MMP26: variants seen among roughly 807,000 people sequenced by gnomAD.
MMP26 encodes the protein matrix metalloproteinase-26.
In MMP26, 33 loss-of-function variants were observed where a neutral mutation model predicts 31.0. The observed-to-expected ratio is 1.06, with a 90% confidence interval of 0.81 to 1.42. MMP26 has a LOEUF of 1.42. Ranked by LOEUF, MMP26 falls within the 40% of genes most tolerant of loss-of-function variation. The pLI is 0.00. For synonymous variants in MMP26, 122 were observed against 114.9 expected (o/e 1.06, Z -0.40); for missense variants, 347 against 316.1 (o/e 1.10, Z -0.74).
intron 2 of MMP26, among the ~76,000 whole-genome samples, chr11:4,901,515 G>A (rs1476262435): frequency 6.6e-6 from 1 of 151,894 alleles, no homozygotes; most frequent in Non-Finnish European, 1.5e-5. Flanking sequence ...CTTAGCATGG[G>A]CATACGTCTT....
chr11:4,882,834 A>G (rs1180979098), intron 2 of MMP26: 3 of 1,613,604 alleles, frequency 1.9e-6, no homozygotes, highest in Non-Finnish European at 2.5e-6. Flanking sequence ...CTCCAATCCA[A>G]GGGTTCATGG....
At chr11:4,750,263 A>C (rs1848431504) in intron 1 of MMP26, among the ~76,000 whole-genome samples, 1 of 152,010 alleles carries the variant, frequency 6.6e-6, no homozygotes, top group Non-Finnish European at 1.5e-5. Flanking sequence ...TAAAATGTCA[A>C]AAAATAACAG....
At chr11:4,944,312 C>T (rs1220402841) in intron 2 of MMP26, 1 of 174,482 alleles carries the variant, frequency 5.7e-6, no homozygotes, top group Non-Finnish European at 1.2e-5. Context: ...TTGACTTCCT[C>T]TCTGTGTGAA....
chr11:4,954,636 A>C, intron 2 of MMP26: 1 of 570,772 alleles, frequency 1.8e-6, no homozygotes, highest in African/African-American at 1.9e-5. Context: ...CATTCTCAGT[A>C]TCTAGAGTGA....
chr11:4,868,909 T>C (rs1850274698), intron 2 of MMP26, among the ~76,000 whole-genome samples: 1 of 151,950 alleles, frequency 6.6e-6, no homozygotes, highest in Admixed American at 6.6e-5. Context: ...TCAGAAATAA[T>C]ACCACACATC....
At chr11:4,827,423 A>G (rs1849591424) in intron 2 of MMP26, among the ~76,000 whole-genome samples, 1 of 152,116 alleles carries the variant, frequency 6.6e-6, no homozygotes, top group Admixed American at 6.5e-5. Flanking sequence ...CTCCAAATAG[A>G]GAAGAAAAAT....
intron 2 of MMP26, among the ~76,000 whole-genome samples, chr11:4,780,499 T>A (rs1848843877): frequency 6.6e-6 from 1 of 152,202 alleles, no homozygotes; most frequent in African/African-American, 2.4e-5. Context: ...AAGTTTAATC[T>A]GTTTTTTTCT....
intron 2 of MMP26, among the ~76,000 whole-genome samples, chr11:4,960,362 G>A (rs1846504239): frequency 6.6e-6 from 1 of 150,648 alleles, no homozygotes; most frequent in African/African-American, 2.5e-5. Context: ...TGATTATTCT[G>A]TCTTAAGAAA....
At chr11:4,852,091 G>A (rs1849983604) in intron 2 of MMP26, among the ~76,000 whole-genome samples, 1 of 151,928 alleles carries the variant, frequency 6.6e-6, no homozygotes, top group African/African-American at 2.4e-5. Flanking sequence ...AAAGTAAGAA[G>A]GTCGAAAATT....
At chr11:4,814,282 A>G (rs553173064) in intron 2 of MMP26, among the ~76,000 whole-genome samples, 2 of 152,310 alleles carry the variant, frequency 1.3e-5, no homozygotes, top group African/African-American at 2.4e-5. Flanking sequence ...ACATCCACCA[A>G]AAACGTCTAA....
chr11:4,719,290 G>T (rs899918896), intron 1 of MMP26: 3 of 153,564 alleles, frequency 2.0e-5, no homozygotes, highest in Non-Finnish European at 4.4e-5. Flanking sequence ...CATTAAGACT[G>T]TTCTCAGCAT....
chr11:4,727,239 T>C (rs932494212), intron 1 of MMP26, among the ~76,000 whole-genome samples: 9 of 152,204 alleles, frequency 5.9e-5, no homozygotes, highest in African/African-American at 1.9e-4. Context: ...ATCCCATGCA[T>C]ACTGTTTGTT....
chr11:4,925,130 A>G (rs183701934), intron 2 of MMP26, among the ~76,000 whole-genome samples: 1 of 152,314 alleles, frequency 6.6e-6, no homozygotes, highest in East Asian at 1.9e-4. Flanking sequence ...CTATCTTGTA[A>G]GTTCTATTCT....
intron 2 of MMP26, among the ~76,000 whole-genome samples, chr11:4,891,123 A>G (rs1850615105): frequency 6.6e-6 from 1 of 152,048 alleles, no homozygotes; most frequent in South Asian, 2.1e-4. Context: ...TGTTGCAAAC[A>G]TTTGTTCAGG....
intron 2 of MMP26, among the ~76,000 whole-genome samples, chr11:4,837,496 C>T (rs984796521): frequency 6.6e-6 from 1 of 151,974 alleles, no homozygotes; most frequent in Non-Finnish European, 1.5e-5. Context: ...ATAGGTGTGA[C>T]CCACCCACTT....
intron 2 of MMP26, among the ~76,000 whole-genome samples, chr11:4,936,682 T>C (rs539328498): frequency 4.6e-5 from 7 of 152,150 alleles, no homozygotes; most frequent in African/African-American, 1.7e-4. Flanking sequence ...AGAAAAGGTT[T>C]AAAAAGCAAT....
chr11:4,972,534 A>T (rs953110489), intron 2 of MMP26, among the ~76,000 whole-genome samples: 1 of 152,212 alleles, frequency 6.6e-6, no homozygotes, highest in African/African-American at 2.4e-5. Flanking sequence ...GAACAAGCAC[A>T]TATCTCAAAG....
rs368201873 is a variant in MMP26, at chr11:4,991,970, A to G, written c.602A>G (p.Asn201Ser). The G allele has an allele frequency of 6.3e-6, 10 of 1,594,854 alleles. No homozygotes were observed. In the African/African-American group the frequency reaches 1.4e-4, roughly 22 times the overall value. Reference protein sequence around the residue: ...EHWSASDTGYNLFLVATHEIG... With the variant: ...EHWSASDTGYSLFLVATHEIG... ...TTTTTCTATAATTTTTCAGGATATA[A>G]TCTGTTCCTGGTTGCAACTCATGAG... Residue 201 changes from asparagine (N) to serine (S), a missense_variant, in exon 7 of 8, where the codon AAT becomes AGT. By Grantham distance (46) the Asn-to-Ser change is conservative. Transcript: ENST00000380390.
At chr11:4,810,201 G>A (rs1357448383) in intron 2 of MMP26, among the ~76,000 whole-genome samples, 1 of 151,838 alleles carries the variant, frequency 6.6e-6, no homozygotes, top group Non-Finnish European at 1.5e-5. Context: ...GTGTTGTTGA[G>A]ATTGTATGAA....
Sources: allele counts gnomAD v4.1 joint callset (sites outside exome capture counted in the v4.1 genomes callset), GRCh38; gene constraint gnomAD v4.1.1; transcripts MANE v1.5; gene names NCBI Gene and HGNC (gene_info 2026-07-23, HGNC 2026-07-21).